The following PRDX2 variants were observed in gnomAD, a reference collection of about 807,000 sequenced individuals.
PRDX2 encodes peroxiredoxin 2.
Under a neutral mutation model 19.8 loss-of-function variants are expected in PRDX2, and 10 were observed. The ratio of observed to expected loss-of-function variants is 0.50; its 90% CI spans 0.31 to 0.86. The LOEUF (loss-of-function observed/expected upper bound fraction) is 0.86. Ranked by LOEUF, PRDX2 falls within the 40% of genes least tolerant of loss-of-function variation. The pLI is 0.04. For synonymous variants in PRDX2, 118 were observed against 108.2 expected, an observed-to-expected ratio of 1.09 and a Z score of -0.56; for missense variants, 226 against 260.1, an observed-to-expected ratio of 0.87 and a Z score of 0.90.
intron 5 of PRDX2, among the ~76,000 whole-genome samples, chr19:12,797,634 T>G (rs1454690081): frequency 6.7e-6 from 1 of 149,662 alleles, no homozygotes; most frequent in East Asian, 2.0e-4. Flanking sequence ...TCTCTTTTTC[T>G]TTTCTTCTTT....
In PRDX2 at chr19:12,800,286, G is replaced by T. The variant is rs541050535; in HGVS notation, c.271C>A (p.Arg91=). Reference sequence around the variant, plus strand: ...AGGGGGCCCAAGCCTCCCTCTTTCCGGGGGGTGTTGATCCTGGGAGTAGGG... The same window carrying T: ...AGGGGGCCCAAGCCTCCCTCTTTCCTGGGGGTGTTGATCCTGGGAGTAGGG... ...FTHLAWINTP[R]KEGGLGPLNI... is the part of the protein sequence containing the mutation. The change falls in exon 4 of 6, where the codon CGG becomes AGG. Residue 91 remains arginine (R), a synonymous_variant. Transcript: ENST00000301522. 2.5e-6 allele frequency: 4 copies of T among 1,612,100 alleles called. No individual in the cohort carries two copies. Among genetic ancestry groups the T allele is most frequent in the Admixed American group, 1.7e-5 (1 of 59,870 alleles).
intron 5 of PRDX2, among the ~76,000 whole-genome samples, chr19:12,798,721 G>C (rs1298794175): frequency 1.5e-5 from 2 of 135,586 alleles, no homozygotes; most frequent in Non-Finnish European, 3.1e-5. Context: ...ATGGGGTATT[G>C]CTATGTTGCC....
At chr19:12,799,247 G>T (rs569998561) in intron 5 of PRDX2, among the ~76,000 whole-genome samples, 1 of 152,174 alleles carries the variant, frequency 6.6e-6, no homozygotes, top group South Asian at 2.1e-4. Flanking sequence ...ACCCAGGCTG[G>T]AGTGCAGTGG....
intron 1 of PRDX2, 121 bp downstream of exon 1, chr19:12,801,619 G>A: frequency 5.0e-6 from 2 of 399,800 alleles, no homozygotes; most frequent in African/African-American, 2.0e-5. Context: ...GGTTTCCCCC[G>A]CAAGGACAAA....
At chr19:12,800,703 C>CT (rs1968877353) in intron 3 of PRDX2, 2 of 1,468,292 alleles carry the variant, frequency 1.4e-6, no homozygotes, top group Non-Finnish European at 9.1e-7. Flanking sequence ...AGAGTTGCAT[C>CT]TGAGTTGCAT....
At chr19:12,798,107 C>A (rs1405794568) in intron 5 of PRDX2, among the ~76,000 whole-genome samples, 1 of 151,140 alleles carries the variant, frequency 6.6e-6, no homozygotes, top group Non-Finnish European at 1.5e-5. Flanking sequence ...TGCAGTGGCA[C>A]GATCTCTGCT....
Position 12,800,261 on chromosome 19 carries a change from A to G in PRDX2, c.296T>C (p.Leu99Pro). 1 of 1,613,574 alleles carries G rather than the reference A, an allele frequency of 6.2e-7. No homozygotes were observed. Among genetic ancestry groups the G allele is most frequent in the Non-Finnish European group, 8.5e-7 (1 of 1,179,894 alleles). Residue 99 changes from leucine to proline, a missense_variant, in exon 4 of 6, where the codon CTG (leucine) becomes CCG (proline). Coordinates refer to ENST00000301522, the MANE Select transcript of PRDX2 (RefSeq NM_005809.6). The stretch of plus-strand genomic sequence containing the variant: ...CACGTCAGCAAGCAGGGGGATGTTC[A>G]GGGGGCCCAAGCCTCCCTCTTTCCG... ...TPRKEGGLGP[L>P]NIPLLADVTR...
chr19:12,799,758 C>A (rs1453447994), intron 5 of PRDX2, 101 bp downstream of exon 5: 1 of 1,479,206 alleles, frequency 6.8e-7, no homozygotes, highest in African/African-American at 1.4e-5. Context: ...CTTTGGGGCC[C>A]TAACACCCAT....
At chr19:12,800,683 T>C (rs1438835509) in intron 3 of PRDX2, 24 of 1,452,144 alleles carry the variant, frequency 1.7e-5, no homozygotes, top group African/African-American at 2.9e-5. Context: ...ACTAAGTACA[T>C]AGAGTAGATA....
In PRDX2 at chr19:12,800,257, G is replaced by A; in HGVS notation, c.300C>T (p.Asn100=). Reference sequence around the variant, plus strand: ...TGGTCACGTCAGCAAGCAGGGGGATGTTCAGGGGGCCCAAGCCTCCCTCTT... The same window carrying A: ...TGGTCACGTCAGCAAGCAGGGGGATATTCAGGGGGCCCAAGCCTCCCTCTT... ...PRKEGGLGPL[N]IPLLADVTRR... Residue 100 remains asparagine (N), a synonymous_variant, in exon 4 of 6, where the codon AAC becomes AAT. Coordinates refer to ENST00000301522, the MANE Select transcript of PRDX2 (RefSeq NM_005809.6). 6.2e-7 allele frequency: 1 copy of A among 1,613,684 alleles called. No homozygotes were observed. Among genetic ancestry groups the A allele is most frequent in the East Asian group, 2.2e-5 (1 of 44,884 alleles).
At position 12,800,194 on chromosome 19, in the gene PRDX2, A is replaced by T. The variant is rs1968864400; in HGVS notation, c.363T>A (p.Asp121Glu). 2 of 1,613,814 alleles carry T rather than the reference A, an allele frequency of 1.2e-6. No homozygotes were observed. Among genetic ancestry groups the T allele is most frequent in the East Asian group, 4.5e-5 (2 of 44,876 alleles). The part of the protein sequence containing the change: ...LSEDYGVLKT[D>E]EGIAYRGLFI... Reference sequence around the variant, plus strand: ...CACAGTACCTGTAGGCAATGCCCTCATCTGTTTTCAGCACGCCGTAATCCT... The same window carrying T: ...CACAGTACCTGTAGGCAATGCCCTCTTCTGTTTTCAGCACGCCGTAATCCT... Residue 121 changes from aspartate to glutamate, a missense_variant, in exon 4 of 6, where the codon GAT (aspartate) becomes GAA (glutamate). By Grantham distance (45) the Asp-to-Glu change is conservative. Coordinates refer to ENST00000301522, the MANE Select transcript of PRDX2 (RefSeq NM_005809.6).
intron 3 of PRDX2, chr19:12,800,705 G>A (rs1458145022): frequency 1.4e-6 from 2 of 1,472,448 alleles, no homozygotes; most frequent in East Asian, 5.0e-5. Context: ...AGTTGCATCT[G>A]AGTTGCATCT....
intron 3 of PRDX2, chr19:12,800,674 C>T: frequency 6.9e-7 from 1 of 1,442,598 alleles, no homozygotes; most frequent in Non-Finnish European, 9.2e-7. Flanking sequence ...CTCCTGGGAA[C>T]TAAGTACATA....
Position 12,801,159 on chromosome 19 carries a change from C to G in PRDX2, c.103G>C (p.Gly35Arg). The G allele has an allele frequency of 6.2e-7, 1 of 1,614,004 alleles. No individual in the cohort carries two copies. Among genetic ancestry groups the G allele is most frequent in the Non-Finnish European group, 8.5e-7 (1 of 1,180,020 alleles). ...FKEVKLSDYK[G>R]KYVVLFFYPL... ...TGGGCCCCCTCCGGGCGGCGCTCAC[C>G]TTTGTAGTCCGACAGCTTCACCTCT... The change falls in exon 2 of 6, where the codon GGG (glycine) becomes CGG (arginine). Residue 35 changes from glycine (G) to arginine (R), a missense_variant and splice_region_variant. By Grantham distance (125) the Gly-to-Arg change is moderately radical (BLOSUM62 -2). Coordinates refer to ENST00000301522, the MANE Select transcript of PRDX2 (RefSeq NM_005809.6).
At position 12,797,084 on chromosome 19, in the gene PRDX2, A is replaced by G; in HGVS notation, c.594T>C (p.Asn198=). Residue 198 remains asparagine, a synonymous_variant, in exon 6 of 6, where the codon AAT becomes AAC. Transcript: ENST00000301522. The part of the protein sequence containing the change: ...DDSKEYFSKH[N] ...AGCTCACTATCCGTTAGCCAGCCTA[A>G]TTGTGTTTGGAGAAATATTCCTTGC... 1.2e-6 allele frequency: 2 copies of G among 1,614,042 alleles called. No homozygotes were observed. Among genetic ancestry groups the G allele is most frequent in the East Asian group, 2.2e-5 (1 of 44,886 alleles).
intron 4 of PRDX2, 31 bp downstream of exon 4, chr19:12,800,146 T>C: frequency 6.2e-7 from 1 of 1,610,014 alleles, no homozygotes. Context: ...GGCAGGGCGC[T>C]CCCTGAGCCG....
chr19:12,798,541 G>A (rs1968833024), intron 5 of PRDX2, among the ~76,000 whole-genome samples: 1 of 151,526 alleles, frequency 6.6e-6, no homozygotes, highest in Non-Finnish European at 1.5e-5. Context: ...AGTAGAGACT[G>A]GGTTTCTCCA....
At chr19:12,801,377 C>T in intron 1 of PRDX2, 107 bp from the exon 2 acceptor site, 1 of 1,174,922 alleles carries the variant, frequency 8.5e-7, no homozygotes, top group Non-Finnish European at 1.2e-6. Context: ...GCGGAGGCGA[C>T]AGCACTAACC....
rs1968867684 is a variant in PRDX2 at position 12,800,294 on chromosome 19, T to G, written c.263A>C (p.Asn88Thr). The change falls in exon 4 of 6, where the codon AAC becomes ACC. Residue 88 changes from asparagine to threonine, a missense_variant. Transcript: ENST00000301522. Reference sequence around the variant, plus strand: ...CAAGCCTCCCTCTTTCCGGGGGGTGTTGATCCTGGGAGTAGGGGAGACAGA... The same window carrying G: ...CAAGCCTCCCTCTTTCCGGGGGGTGGTGATCCTGGGAGTAGGGGAGACAGA... The part of the protein sequence containing the change: ...DSQFTHLAWI[N>T]TPRKEGGLGP... 1 of 1,612,018 alleles carries G rather than the reference T, an allele frequency of 6.2e-7. No homozygotes were observed.
Sources: allele counts gnomAD v4.1 joint callset (sites outside exome capture counted in the v4.1 genomes callset), GRCh38; gene constraint gnomAD v4.1.1; transcripts MANE v1.5; gene names NCBI Gene and HGNC (gene_info 2026-07-23, HGNC 2026-07-21).